The following NDST1 variants were observed in gnomAD, a reference collection of about 807,000 sequenced individuals.
The protein encoded by NDST1 is N-deacetylase and N-sulfotransferase 1, also known as bifunctional heparan sulfate N-deacetylase/N-sulfotransferase 1.
NDST1 carries 35 observed loss-of-function variants against 92.8 expected under a neutral mutation model. The ratio of observed to expected loss-of-function variants is 0.38; its 90% CI spans 0.29 to 0.50. The LOEUF (loss-of-function observed/expected upper bound fraction) is 0.50, where lower values mean the gene tolerates loss of function less well. NDST1 is among the 20% of genes least tolerant of loss of function. The probability of loss-of-function intolerance (pLI) is 0.94; values close to 1 mark genes in which losing one functional copy is unlikely to be tolerated. For missense variants in NDST1, 822 were observed against 1,182.7 expected (o/e 0.69, Z 4.47); for synonymous variants, 493 against 500.3 (o/e 0.99, Z 0.19).
Position 150,532,946 on chromosome 5 carries a change from C to T in NDST1, c.1010C>T (p.Ala337Val). The T allele has an allele frequency of 6.2e-7, 1 of 1,614,132 alleles. No individual in the cohort carries two copies. Among genetic ancestry groups the T allele is most frequent in the Non-Finnish European group, 8.5e-7 (1 of 1,179,952 alleles). Residue 337 changes from alanine to valine, a missense_variant and splice_region_variant, in exon 4 of 15, where the codon GCC becomes GTC. By Grantham distance (64) the Ala-to-Val change is moderately conservative. Transcript: ENST00000261797. ...TCCTTTCTCCCCTGCCTGTCCTAGG[C>T]CCTGTTTGACACACAGAACGAACTA... The part of the protein sequence containing the change: ...GTRMKVEDVK[A>V]LFDTQNELRA...
At chr5:150,501,560 C>T (rs1037294042) in intron 1 of NDST1, among the ~76,000 whole-genome samples, 1 of 152,212 alleles carries the variant, frequency 6.6e-6, no homozygotes, top group Non-Finnish European at 1.5e-5. Flanking sequence ...TTGTATCAGC[C>T]TCTAGCCCCT....
Position 150,521,439 on chromosome 5 carries a change from T to C in NDST1, c.185T>C (p.Val62Ala). 1 of 1,613,244 alleles carries C rather than the reference T, an allele frequency of 6.2e-7. No individual in the cohort carries two copies. The highest frequency in any genetic ancestry group is 8.5e-7 in the Non-Finnish European group (1 of 1,179,882). ...CCTGACTGCGGGGACCCGCCGCCTG[T>C]GGCCCCCAGTCGCCTGCTGCCACTC... ...PEPDCGDPPP[V>A]APSRLLPLKP... Residue 62 changes from valine (V) to alanine (A), a missense_variant, in exon 2 of 15, where the codon GTG becomes GCG. Val to Ala is a moderately conservative substitution (Grantham distance 64). Transcript: ENST00000261797. This position sits in a 1 kb window ranked among gnomAD's most constrained non-coding sequence, Gnocchi z 5.9.
At chr5:150,548,511 C>A in intron 12 of NDST1, 123 bp downstream of exon 12, 1 of 1,001,586 alleles carries the variant, frequency 1.0e-6, no homozygotes, top group South Asian at 1.4e-5. Context: ...GAGAGCTAGA[C>A]CCTTGGGTCT....
chr5:150,509,756 G>A (rs984681591), intron 1 of NDST1, among the ~76,000 whole-genome samples: 1 of 152,144 alleles, frequency 6.6e-6, no homozygotes, highest in East Asian at 1.9e-4. Flanking sequence ...TGATCTACCC[G>A]CCTCAGCCTC....
At chr5:150,541,864 C>T (rs1234666864) in intron 9 of NDST1, among the ~76,000 whole-genome samples, 198 bp downstream of exon 9, 1 of 152,054 alleles carries the variant, frequency 6.6e-6, no homozygotes, top group African/African-American at 2.4e-5. Context: ...CTGGAGTTCT[C>T]CTATTTATCC....
chr5:150,539,673 A>G (rs1222469075), intron 7 of NDST1: 1 of 985,244 alleles, frequency 1.0e-6, no homozygotes, highest in Non-Finnish European at 1.2e-6. Flanking sequence ...TATGAACAAC[A>G]TTTGAGTTTT....
chr5:150,531,408 T>C (rs1248608331), intron 3 of NDST1, among the ~76,000 whole-genome samples: 1 of 152,078 alleles, frequency 6.6e-6, no homozygotes, highest in African/African-American at 2.4e-5. Flanking sequence ...AAGATGCTGA[T>C]GGTGACTACA....
chr5:150,518,096 G>C (rs536329901), intron 1 of NDST1, among the ~76,000 whole-genome samples: 2 of 152,344 alleles, frequency 1.3e-5, no homozygotes, highest in East Asian at 3.9e-4. Context: ...CTCTCAGCTA[G>C]AATTGCAGGG....
rs760166686 is a variant in NDST1 at position 150,520,095 on chromosome 5, A to C, written c.-387-773A>C. 2.0e-5 allele frequency among the ~76,000 whole-genome samples: 3 copies of C among 152,058 alleles called. No individual in the cohort carries two copies. In the South Asian group the frequency reaches 6.2e-4, roughly 32 times the overall value. On this transcript the variant is annotated intron_variant, in intron 1 of 14. Transcript: ENST00000261797. Reference sequence around the variant, plus strand: ...TGGGTACGTACCCCGAGGATGAGAGATACCTGGTTGCATTATGGGCAAATA... The same window carrying C: ...TGGGTACGTACCCCGAGGATGAGAGCTACCTGGTTGCATTATGGGCAAATA...
chr5:150,520,250 C>T (rs1353918380), intron 1 of NDST1, among the ~76,000 whole-genome samples: 8 of 152,266 alleles, frequency 5.3e-5, no homozygotes, highest in Middle Eastern at 3.4e-3. Context: ...TAATGGTCAC[C>T]TGAGGCCTTC....
chr5:150,505,560 G>A (rs1349809421), upstream of NDST1, among the ~76,000 whole-genome samples: 1 of 152,160 alleles, frequency 6.6e-6, no homozygotes, highest in Non-Finnish European at 1.5e-5. Flanking sequence ...GAACATAATG[G>A]CATCAGGTGG....
At chr5:150,505,590 C>G (rs1753413976), upstream of NDST1, among the ~76,000 whole-genome samples, 1 of 152,096 alleles carries the variant, frequency 6.6e-6, no homozygotes, top group South Asian at 2.1e-4. Flanking sequence ...GTGTATTCTG[C>G]CTGGAACGTG....
chr5:150,535,904 G>A lies in NDST1; in HGVS notation c.1437+19G>A. 1 of 1,610,526 alleles carries A rather than the reference G, an allele frequency of 6.2e-7. No individual in the cohort carries two copies. The highest frequency in any genetic ancestry group is 8.5e-7 in the Non-Finnish European group (1 of 1,178,394). ...CATCATGGTGAGTGGGCCCCTGGAAGCCCAGGAGGTGGGAGAATGGAGAGC... is the reference window on the plus strand; with the variant it reads ...CATCATGGTGAGTGGGCCCCTGGAAACCCAGGAGGTGGGAGAATGGAGAGC... On this transcript the variant is annotated intron_variant, in intron 6 of 14. Transcript: ENST00000261797.
rs201291800 is a variant in NDST1 at position 150,541,551 on chromosome 5, C to T, written c.1750-19C>T. 5 of 1,613,058 alleles carry T rather than the reference C, an allele frequency of 3.1e-6. No individual in the cohort carries two copies. In the Admixed American group the frequency reaches 5.0e-5, roughly 16 times the overall value. On this transcript the variant is annotated intron_variant, in intron 8 of 14. Coordinates refer to ENST00000261797, the MANE Select transcript of NDST1 (RefSeq NM_001543.5). ...TGGGTTCTGGGGCGCCCCACACATC[C>T]CTTCCACTGTTGTTTTAGGACCCCT...
chr5:150,535,939 C>G, intron 6 of NDST1, 54 bp downstream of exon 6: 1 of 1,558,064 alleles, frequency 6.4e-7, no homozygotes. Flanking sequence ...CACAGTCTGT[C>G]ATGTGTGTGC....
intron 1 of NDST1, among the ~76,000 whole-genome samples, chr5:150,512,685 T>G (rs1443467851): frequency 6.6e-6 from 1 of 152,264 alleles, no homozygotes; most frequent in African/African-American, 2.4e-5. Flanking sequence ...AGCCTCACTT[T>G]CCAAATCTGT....
At chr5:150,517,022 G>A (rs1754006218) in intron 1 of NDST1, among the ~76,000 whole-genome samples, 2 of 128,228 alleles carry the variant, frequency 1.6e-5, no homozygotes, top group Admixed American at 7.9e-5. Flanking sequence ...TGTGTGTATG[G>A]CTTTATTGTT....
intron 1 of NDST1, among the ~76,000 whole-genome samples, chr5:150,516,453 A>G (rs1753971186): frequency 6.6e-6 from 1 of 152,234 alleles, no homozygotes. Flanking sequence ...AACCTTGGGA[A>G]GTAGGTAGAA....
At position 150,553,528 on chromosome 5, in the gene NDST1, C is replaced by T. The variant is rs185478628; in HGVS notation, c.*196C>T. 370 of 702,602 alleles carry T rather than the reference C, an allele frequency of 5.3e-4. No individual in the cohort carries two copies. Among genetic ancestry groups the T allele is most frequent in the African/African-American group, 5.1e-3 (294 of 57,120 alleles). The allele number at this position is 702,602 out of a possible 1,614,324, so 43.5% of individuals were successfully genotyped here. ...CTCGGAGCACCCACCGCTGGGTCTG[C>T]GGCCTAAGGGACCTCCCTCGCCAGC... On this transcript the variant is annotated 3_prime_UTR_variant, in exon 15 of 15. Transcript: ENST00000261797. This position sits in a 1 kb window ranked among gnomAD's most constrained non-coding sequence, Gnocchi z 4.2.
Sources: gnomAD v4.1 joint callset for allele counts (sites outside exome capture counted in the v4.1 genomes callset) on GRCh38, gnomAD v4.1.1 for gene constraint, Gnocchi (gnomAD v3.1) non-coding constraint, MANE v1.5 for transcripts, NCBI Gene and HGNC (gene_info 2026-07-23, HGNC 2026-07-21) for gene names.